Variants in HS3ST5 observed in about 807,000 individuals in gnomAD.
HS3ST5 encodes heparan sulfate glucosamine 3-O-sulfotransferase 5.
A neutral mutation model predicts 25.4 loss-of-function variants in HS3ST5; 10 were observed. The observed-to-expected ratio is 0.39, with a 90% CI of 0.24 to 0.67. HS3ST5 has a LOEUF of 0.67. Ranked by LOEUF, HS3ST5 falls within the 30% of genes least tolerant of loss-of-function variation. The pLI, the probability that HS3ST5 is intolerant of heterozygous loss-of-function variation, is 0.44. For synonymous variants in HS3ST5, 170 were observed against 162.4 expected, an observed-to-expected ratio of 1.05 and a Z score of -0.36; for missense variants, 324 against 420.7, an observed-to-expected ratio of 0.77 and a Z score of 2.01.
chr6:114,173,149 A>G (rs1779547299), intron 2 of HS3ST5, among the ~76,000 whole-genome samples: 1 of 152,200 alleles, frequency 6.6e-6, no homozygotes, highest in South Asian at 2.1e-4. Flanking sequence ...ATATATTAGT[A>G]CATGTCTGCC....
intron 3 of HS3ST5, among the ~76,000 whole-genome samples, chr6:114,083,864 T>C (rs973025621): frequency 6.6e-6 from 1 of 152,188 alleles, no homozygotes; most frequent in Non-Finnish European, 1.5e-5. Flanking sequence ...TAATAACCTA[T>C]GTTTCATGTT....
chr6:114,297,232 C>T (rs993206192), intron 1 of HS3ST5, among the ~76,000 whole-genome samples: 2 of 151,884 alleles, frequency 1.3e-5, no homozygotes, highest in Non-Finnish European at 2.9e-5. Context: ...TACACCGGAC[C>T]ACTACACACT....
chr6:114,120,385 G>A (rs1776731279), intron 3 of HS3ST5, among the ~76,000 whole-genome samples: 1 of 152,098 alleles, frequency 6.6e-6, no homozygotes, highest in African/African-American at 2.4e-5. Context: ...TCCAAACTAT[G>A]ACAGAAAGTC....
chr6:114,234,204 A>T (rs1771748372), intron 1 of HS3ST5, among the ~76,000 whole-genome samples: 1 of 152,166 alleles, frequency 6.6e-6, no homozygotes, highest in Non-Finnish European at 1.5e-5. Context: ...AGGCATAGTT[A>T]TACAAGAAGT....
intron 1 of HS3ST5, among the ~76,000 whole-genome samples, chr6:114,250,474 G>A (rs561012747): frequency 1.3e-4 from 19 of 151,978 alleles, no homozygotes; most frequent in African/African-American, 2.7e-4. Flanking sequence ...CCAGCTACTC[G>A]GGAGGCTGAG....
chr6:114,214,162 T>C (rs1287680497), intron 2 of HS3ST5, among the ~76,000 whole-genome samples: 1 of 152,224 alleles, frequency 6.6e-6, no homozygotes, highest in Non-Finnish European at 1.5e-5. Flanking sequence ...CCCTATAGCA[T>C]TTATCACTTT....
chr6:114,208,751 T>C (rs538421342), intron 2 of HS3ST5, among the ~76,000 whole-genome samples: 1 of 152,320 alleles, frequency 6.6e-6, no homozygotes, highest in East Asian at 1.9e-4. Flanking sequence ...TCTTTTGATG[T>C]CTCTAAGCTT....
intron 1 of HS3ST5, among the ~76,000 whole-genome samples, chr6:114,297,390 G>A (rs2114796002): frequency 6.6e-6 from 1 of 152,246 alleles, no homozygotes; most frequent in South Asian, 2.1e-4. Flanking sequence ...GATGCACCCA[G>A]CCAAGCGGTG....
chr6:114,169,988 A>G (rs1404964463), intron 2 of HS3ST5, among the ~76,000 whole-genome samples: 2 of 152,164 alleles, frequency 1.3e-5, no homozygotes, highest in African/African-American at 4.8e-5. Flanking sequence ...AAAGCAACAG[A>G]TAAGGGAAAA....
intron 2 of HS3ST5, among the ~76,000 whole-genome samples, chr6:114,199,122 T>G (rs1780897705): frequency 6.6e-6 from 1 of 152,154 alleles, no homozygotes; most frequent in African/African-American, 2.4e-5. Flanking sequence ...ATGCCATTAT[T>G]ATGAAAGTGA....
intron 2 of HS3ST5, among the ~76,000 whole-genome samples, chr6:114,202,650 T>G (rs893263009): frequency 6.6e-6 from 1 of 152,142 alleles, no homozygotes; most frequent in African/African-American, 2.4e-5. Flanking sequence ...TAGGAAATCA[T>G]GAGCCTAGAG....
chr6:114,119,177 T>G (rs546760822), intron 3 of HS3ST5, among the ~76,000 whole-genome samples: 12 of 151,920 alleles, frequency 7.9e-5, no homozygotes, highest in Non-Finnish European at 1.8e-4. Context: ...AAGGGAAAAG[T>G]AGAATGCAAA....
intron 3 of HS3ST5, among the ~76,000 whole-genome samples, chr6:114,087,704 G>A (rs1774909555): frequency 6.6e-6 from 1 of 152,054 alleles, no homozygotes; most frequent in African/African-American, 2.4e-5. Flanking sequence ...CTCTTTAATT[G>A]GATTGTGTAG....
intron 1 of HS3ST5, among the ~76,000 whole-genome samples, chr6:114,248,603 C>T (rs1223165429): frequency 6.6e-6 from 1 of 152,168 alleles, no homozygotes; most frequent in Non-Finnish European, 1.5e-5. Context: ...GATGGTTCTG[C>T]CGTTCATTCA....
intron 3 of HS3ST5, among the ~76,000 whole-genome samples, chr6:114,158,196 T>A (rs947168858): frequency 7.2e-5 from 11 of 152,204 alleles, no homozygotes; most frequent in Non-Finnish European, 1.2e-4. Flanking sequence ...TCTGGTGGAA[T>A]CCCTGTGTCT....
chr6:114,273,203 T>C (rs780482376), intron 1 of HS3ST5, among the ~76,000 whole-genome samples: 2 of 151,980 alleles, frequency 1.3e-5, no homozygotes, highest in Non-Finnish European at 2.9e-5. Flanking sequence ...CAAATTTGAA[T>C]ATGGAGCCAA....
intron 3 of HS3ST5, among the ~76,000 whole-genome samples, chr6:114,158,452 T>G (rs1008248402): frequency 1.3e-5 from 2 of 152,178 alleles, no homozygotes; most frequent in African/African-American, 4.8e-5. Flanking sequence ...AGACTTTATT[T>G]ATTATTATTA....
chr6:114,193,011 A>T (rs1023400796), intron 2 of HS3ST5, among the ~76,000 whole-genome samples: 14 of 152,108 alleles, frequency 9.2e-5, no homozygotes, highest in Admixed American at 7.9e-4. Context: ...TAATCAGAGC[A>T]TGGGTGTATA....
chr6:114,337,258 T>C (rs1413410456), intron 1 of HS3ST5, among the ~76,000 whole-genome samples: 1 of 152,204 alleles, frequency 6.6e-6, no homozygotes, highest in African/African-American at 2.4e-5. Flanking sequence ...TTTTAACCTC[T>C]GGAGAAGCAA....
Sources: allele counts gnomAD v4.1 joint callset (sites outside exome capture counted in the v4.1 genomes callset), GRCh38; gene constraint gnomAD v4.1.1; transcripts MANE v1.5; gene names NCBI Gene and HGNC (gene_info 2026-07-23, HGNC 2026-07-21).